The following KIAA0825 variants were observed in gnomAD, a reference collection of about 807,000 sequenced individuals.
KIAA0825 encodes uncharacterized protein KIAA0825.
KIAA0825 carries 119 observed loss-of-function variants against 147.6 expected under a neutral mutation model. The observed-to-expected ratio is 0.81, with a 90% CI of 0.69 to 0.94. The LOEUF (loss-of-function observed/expected upper bound fraction) is 0.94, where lower values mean the gene tolerates loss of function less well. Among genes scored for constraint, KIAA0825 ranks in the 40% least tolerant of loss-of-function variants. KIAA0825 has a pLI of 0.00. For synonymous variants in KIAA0825, 470 were observed against 518.1 expected (o/e 0.91, Z 1.26); for missense variants, 1,381 against 1,472.7 (o/e 0.94, Z 1.02).
chr5:94,453,401 G>C (rs1054275108), intron 12 of KIAA0825, among the ~76,000 whole-genome samples: 1 of 148,308 alleles, frequency 6.7e-6, no homozygotes, highest in African/African-American at 2.5e-5. Flanking sequence ...TGTCCAGGCT[G>C]GTCTCGAACC....
At chr5:94,257,269 T>C (rs1351396438) in intron 20 of KIAA0825, among the ~76,000 whole-genome samples, 3 of 152,166 alleles carry the variant, frequency 2.0e-5, no homozygotes, top group Non-Finnish European at 4.4e-5. Flanking sequence ...ATTTCTTCAT[T>C]ACATGCTTCC....
rs191009369 is a variant in KIAA0825 at position 94,239,481 on chromosome 5, C to A, written c.3711-85357G>T. ...GTTACTGTTTCTGCACTCTAAATAG[C>A]CCTGTGTAAAGGCACATCATTGAAC... is the stretch of plus-strand genomic sequence containing the variant. On this transcript the variant is annotated intron_variant, in intron 20 of 20. Coordinates refer to ENST00000682413, the MANE Select transcript of KIAA0825 (RefSeq NM_001145678.3). Among the ~76,000 whole-genome samples the A allele has an allele frequency of 1.3e-3, 205 of 152,242 alleles. 2 individuals are homozygous for A. Among genetic ancestry groups the A allele is most frequent in the Admixed American group, 0.011 (172 of 15,294 alleles).
At chr5:94,599,952 G>T (rs1436050180) in intron 1 of KIAA0825, among the ~76,000 whole-genome samples, 1 of 152,068 alleles carries the variant, frequency 6.6e-6, no homozygotes. Flanking sequence ...CCAAAAAAAA[G>T]GGGGGAACTA....
intron 2 of KIAA0825, among the ~76,000 whole-genome samples, chr5:94,573,274 T>TG (rs1174169179): frequency 2.0e-5 from 3 of 148,790 alleles, no homozygotes; most frequent in Non-Finnish European, 4.5e-5. Flanking sequence ...TTAAGTGTTT[T>TG]TTTTTTTTTT....
chr5:94,553,452 AAAAAAAAAAAGT>A (rs1365443373), intron 2 of KIAA0825, among the ~76,000 whole-genome samples: 2 of 139,072 alleles, frequency 1.4e-5, no homozygotes, highest in African/African-American at 2.9e-5. Context: ...AAAAAAAAAG[AAAAAAAAAAAGT>A]AAAAAAAAAA....
chr5:94,561,329 C>T (rs1395824874), intron 2 of KIAA0825, among the ~76,000 whole-genome samples: 1 of 152,202 alleles, frequency 6.6e-6, no homozygotes, highest in Non-Finnish European at 1.5e-5. Context: ...TTTGGCTGTT[C>T]CTACATTGTA....
At chr5:94,554,347 C>G (rs563287892) in intron 2 of KIAA0825, among the ~76,000 whole-genome samples, 1 of 152,122 alleles carries the variant, frequency 6.6e-6, no homozygotes, top group South Asian at 2.1e-4. Context: ...CTTATATTCT[C>G]TATATTATTT....
At chr5:94,242,540 T>A (rs1343422357) in intron 20 of KIAA0825, among the ~76,000 whole-genome samples, 1 of 152,118 alleles carries the variant, frequency 6.6e-6, no homozygotes, top group Non-Finnish European at 1.5e-5. Flanking sequence ...CATCTCCTTG[T>A]ATATTTTTCT....
At chr5:94,471,421 C>G (rs771015813) in intron 9 of KIAA0825, 45 bp downstream of exon 9, 1 of 1,527,150 alleles carries the variant, frequency 6.5e-7, no homozygotes, top group Admixed American at 2.1e-5. Flanking sequence ...AAAGATTACA[C>G]GTTTCTTTAA....
chr5:94,517,104 A>G (rs1444751745), intron 5 of KIAA0825, among the ~76,000 whole-genome samples: 2 of 152,238 alleles, frequency 1.3e-5, no homozygotes, highest in African/African-American at 4.8e-5. Flanking sequence ...TCCAACTCAA[A>G]AAAACAAAAA....
At chr5:94,218,239 T>C (rs563179518) in intron 20 of KIAA0825, among the ~76,000 whole-genome samples, 1 of 152,316 alleles carries the variant, frequency 6.6e-6, no homozygotes, top group Non-Finnish European at 1.5e-5. Flanking sequence ...TCTTATAGTT[T>C]CCCGAGCTCA....
intron 20 of KIAA0825, among the ~76,000 whole-genome samples, chr5:94,287,113 C>G (rs903673033): frequency 2.6e-5 from 4 of 152,122 alleles, no homozygotes; most frequent in Non-Finnish European, 5.9e-5. Context: ...GAATGGTCAT[C>G]ATGAAGATAA....
chr5:94,554,499 T>C (rs1000126847), intron 2 of KIAA0825, among the ~76,000 whole-genome samples: 4 of 151,926 alleles, frequency 2.6e-5, no homozygotes, highest in Non-Finnish European at 5.9e-5. Flanking sequence ...TTGCCATTCA[T>C]ATTTAGTCAG....
intron 20 of KIAA0825, among the ~76,000 whole-genome samples, chr5:94,266,483 GT>G (rs1206860138): frequency 6.6e-6 from 1 of 152,062 alleles, no homozygotes; most frequent in African/African-American, 2.4e-5. Flanking sequence ...ACTACCATTT[GT>G]TGAATTTTGG....
At chr5:94,277,016 T>A (rs2150149936) in intron 20 of KIAA0825, among the ~76,000 whole-genome samples, 2 of 152,288 alleles carry the variant, frequency 1.3e-5, no homozygotes, top group Admixed American at 1.3e-4. Context: ...AACTCTACTC[T>A]TCTTTTTCTT....
intron 20 of KIAA0825, among the ~76,000 whole-genome samples, chr5:94,181,224 T>C (rs1166338537): frequency 1.3e-5 from 2 of 152,236 alleles, no homozygotes; most frequent in African/African-American, 2.4e-5. Flanking sequence ...GTGAGCATTA[T>C]ATCTGGAACT....
chr5:94,200,946 C>CATATATATAT (rs34842887), intron 20 of KIAA0825, among the ~76,000 whole-genome samples: 1,208 of 103,780 alleles, frequency 0.012, 22 homozygotes, highest in African/African-American at 0.014. Flanking sequence ...AGAATTTAAA[C>CATATATATAT]ATATATATAT....
intron 20 of KIAA0825, among the ~76,000 whole-genome samples, chr5:94,232,435 T>A (rs1030145178): frequency 2.6e-5 from 4 of 152,132 alleles, no homozygotes; most frequent in African/African-American, 9.6e-5. Flanking sequence ...GGAGAATTCT[T>A]GTGGAACTTC....
intron 9 of KIAA0825, among the ~76,000 whole-genome samples, chr5:94,471,191 G>A (rs1306016038): frequency 2.6e-5 from 4 of 152,096 alleles, no homozygotes; most frequent in African/African-American, 7.2e-5. Context: ...AACAACATGC[G>A]GAAAATAGTT....
Sources: gnomAD v4.1 joint callset for allele counts (sites outside exome capture counted in the v4.1 genomes callset) on GRCh38, gnomAD v4.1.1 for gene constraint, MANE v1.5 for transcripts, NCBI Gene and HGNC (gene_info 2026-07-23, HGNC 2026-07-21) for gene names.